TBCD: variants seen among roughly 807,000 people sequenced by gnomAD.
TBCD encodes the protein tubulin folding cofactor D.
TBCD carries 105 observed loss-of-function variants against 169.3 expected under a neutral mutation model. The observed-to-expected ratio is 0.62, with a 90% CI of 0.53 to 0.73. The LOEUF (loss-of-function observed/expected upper bound fraction) is 0.73. TBCD is among the 30% of genes least tolerant of loss of function. The pLI, the probability that TBCD is intolerant of heterozygous loss-of-function variation, is 0.00. For synonymous variants in TBCD, 700 were observed against 643.9 expected (o/e 1.09, Z -1.32); for missense variants, 1,444 against 1,600.1 (o/e 0.90, Z 1.66).
chr17:82,784,830 C>T (rs1433954161), intron 7 of TBCD, among the ~76,000 whole-genome samples: 3 of 152,186 alleles, frequency 2.0e-5, no homozygotes, highest in Admixed American at 6.5e-5. Context: ...GAGCCTTACC[C>T]GGCTGGTGGC....
At chr17:82,933,993 C>T (rs2062422482) in intron 34 of TBCD, among the ~76,000 whole-genome samples, 1 of 152,228 alleles carries the variant, frequency 6.6e-6, no homozygotes, top group Non-Finnish European at 1.5e-5. Flanking sequence ...GGTCTCTGCT[C>T]CCTGGCGCTT....
intron 14 of TBCD, among the ~76,000 whole-genome samples, chr17:82,873,361 G>A (rs2057745375): frequency 6.6e-6 from 1 of 152,314 alleles, no homozygotes; most frequent in Non-Finnish European, 1.5e-5. Context: ...CACTCACCTG[G>A]GAGGGTGTCT....
intron 13 of TBCD, among the ~76,000 whole-genome samples, chr17:82,863,538 C>T (rs1441020526): frequency 1.3e-5 from 2 of 152,162 alleles, no homozygotes; most frequent in Non-Finnish European, 2.9e-5. Flanking sequence ...CTACTGTGTG[C>T]GGGTAGGGTG....
intron 7 of TBCD, 56 bp downstream of exon 7, chr17:82,781,777 G>A (rs1268262452): frequency 1.9e-6 from 3 of 1,592,868 alleles, no homozygotes; most frequent in East Asian, 4.5e-5. Context: ...CCTTACATGG[G>A]GACCACGGAA....
At position 82,903,358 on chromosome 17, in the gene TBCD, A is replaced by G. The variant is rs752859636; in HGVS notation, c.1731-47A>G. The G allele has an allele frequency of 1.3e-6, 2 of 1,515,628 alleles. No homozygotes were observed. The highest frequency in any genetic ancestry group is 2.4e-5 in the East Asian group (1 of 41,954). 93.9% of individuals were successfully genotyped at this position (1,515,628 alleles called of 1,614,324 possible). A position where few individuals can be genotyped will look rare whatever the true frequency, so the allele number is the denominator to read the frequency against. The stretch of plus-strand genomic sequence containing the variant: ...TTCTTTTTATGAATTGAATAAAGCT[A>G]GAATCATAAAATGAAGGCACTTACG... On this transcript the variant is annotated intron_variant, in intron 18 of 38. Transcript: ENST00000355528. This position sits in a 1 kb window ranked among gnomAD's most constrained non-coding sequence, Gnocchi z 4.8.
intron 17 of TBCD, among the ~76,000 whole-genome samples, chr17:82,896,497 G>T (rs2059494936): frequency 7.9e-6 from 1 of 126,126 alleles, no homozygotes; most frequent in African/African-American, 3.2e-5. Flanking sequence ...ACAGAGCCTT[G>T]CTCTGTCACC....
intron 2 of TBCD, among the ~76,000 whole-genome samples, chr17:82,756,705 C>T (rs192480146): frequency 6.6e-6 from 1 of 152,152 alleles, no homozygotes; most frequent in Non-Finnish European, 1.5e-5. Flanking sequence ...GTCTTGATCT[C>T]CTGACCTCGT....
At position 82,889,549 on chromosome 17, in the gene TBCD, CT is replaced by C. The variant is rs1192977536; in HGVS notation, c.1534-115del. 6 of 1,234,940 alleles carry C rather than the reference CT, an allele frequency of 4.9e-6. No individual in the cohort carries two copies. In the East Asian group the frequency reaches 1.5e-4, roughly 30 times the overall value. The allele number at this position is 1,234,940 out of a possible 1,614,324, so 76.5% of individuals were successfully genotyped here. On this transcript the variant is annotated intron_variant, in intron 15 of 38. Transcript: ENST00000355528. This position sits in a 1 kb window ranked among gnomAD's most constrained non-coding sequence, Gnocchi z 5.3. ...GGCTCTGTTCAGCCAACAATGAGGG[CT>C]TTTATTTAAAAAATAAAGCCGTGGG...
chr17:82,880,620 C>A lies in TBCD; in HGVS notation c.1476-3525C>A, dbSNP rs943470592. On this transcript the variant is annotated intron_variant, in intron 14 of 38. Transcript: ENST00000355528. The surrounding 1 kb of genome is among the most constrained non-coding windows in gnomAD (Gnocchi z 5.0). ...GGAGGAGGCATCCAGGCCCTCAGGG[C>A]AGGTAGCGGGTGGGCCTCCGTGGTG... is the stretch of plus-strand genomic sequence containing the variant. Among the ~76,000 whole-genome samples the A allele has an allele frequency of 1.3e-5, 2 of 152,200 alleles. No homozygotes were observed. The highest frequency in any genetic ancestry group is 2.9e-5 in the Non-Finnish European group (2 of 68,024).
chr17:82,863,835 G>A (rs938714797), intron 13 of TBCD, among the ~76,000 whole-genome samples: 2 of 152,236 alleles, frequency 1.3e-5, no homozygotes, highest in African/African-American at 4.8e-5. Flanking sequence ...AGAGGTGGGT[G>A]ATGGGGGCAG....
chr17:82,839,722 G>A (rs1051561889), intron 13 of TBCD, among the ~76,000 whole-genome samples: 1 of 152,224 alleles, frequency 6.6e-6, no homozygotes, highest in Non-Finnish European at 1.5e-5. Flanking sequence ...CATGTTCTTA[G>A]AATAAAGTGT....
chr17:82,938,276 T>TC (rs988631692), intron 36 of TBCD, 140 bp downstream of exon 36: 3 of 953,774 alleles, frequency 3.1e-6, no homozygotes, highest in Non-Finnish European at 4.8e-6. Context: ...TGACGACGCG[T>TC]CACAGGCACG....
rs752121657 is a variant in TBCD at position 82,814,891 on chromosome 17, G to C, written c.1275G>C (p.Glu425Asp). Residue 425 changes from glutamate (E) to aspartate (D), a missense_variant, in exon 13 of 39, where the codon GAG becomes GAC. Glu to Asp is a conservative substitution (Grantham distance 45). Transcript: ENST00000355528. Reference sequence around the variant, plus strand: ...ATGGGGGATGTCTGGCGCTGGCAGAGCTGGGCAGGAGAGGCCTGTTGCTGC... The same window carrying C: ...ATGGGGGATGTCTGGCGCTGGCAGACCTGGGCAGGAGAGGCCTGTTGCTGC... ...AWHGGCLALA[E>D]LGRRGLLLPS... is the part of the protein sequence containing the mutation. 1.9e-6 allele frequency: 3 copies of C among 1,613,398 alleles called. No individual in the cohort carries two copies. Among genetic ancestry groups the C allele is most frequent in the Non-Finnish European group, 1.7e-6 (2 of 1,179,642 alleles).
chr17:82,808,647 G>A (rs1435890228), intron 11 of TBCD, among the ~76,000 whole-genome samples: 2 of 141,042 alleles, frequency 1.4e-5, no homozygotes, highest in Non-Finnish European at 1.5e-5. Flanking sequence ...CTGCTGTGGA[G>A]GGGACAAGGC....
rs189074102 is a variant in TBCD at position 82,889,589 on chromosome 17, G to A, written c.1534-79G>A. On this transcript the variant is annotated intron_variant, in intron 15 of 38. Transcript: ENST00000355528. The surrounding 1 kb of genome is among the most constrained non-coding windows in gnomAD (Gnocchi z 5.3). ...TAAAGCCGTGGGTCATTCACGTTGTGCTGTTTGTTCTGAACTTGCCTCTGG... is the reference window on the plus strand; with the variant it reads ...TAAAGCCGTGGGTCATTCACGTTGTACTGTTTGTTCTGAACTTGCCTCTGG... The A allele has an allele frequency of 8.3e-6, 13 of 1,560,556 alleles. No homozygotes were observed. The East Asian group carries it at 9.0e-5, about 11-fold the overall frequency.
chr17:82,779,730 A>G (rs2048823628), intron 6 of TBCD, among the ~76,000 whole-genome samples: 2 of 151,660 alleles, frequency 1.3e-5, no homozygotes, highest in Non-Finnish European at 2.9e-5. Flanking sequence ...AAGGGCCGGG[A>G]AGGTGGGATG....
At position 82,831,960 on chromosome 17, in the gene TBCD, G is replaced by A. The variant is rs35867846; in HGVS notation, c.1318+17026G>A. ...CTGGCCCCTTGAGTCTGTGCTCGCC[G>A]ACTGGAACAAATGCAGAAGGCCGAG... On this transcript the variant is annotated intron_variant, in intron 13 of 38. Coordinates refer to ENST00000355528, the MANE Select transcript of TBCD (RefSeq NM_005993.5). This position sits in a 1 kb window ranked among gnomAD's most constrained non-coding sequence, Gnocchi z 4.6. 1.5e-3 allele frequency: 2,402 copies of A among 1,613,860 alleles called. 35 individuals carry two copies. In the African/African-American group the frequency reaches 0.022, roughly 15 times the overall value.
At chr17:82,934,958 G>A (rs1175956314) in intron 34 of TBCD, among the ~76,000 whole-genome samples, 3 of 152,160 alleles carry the variant, frequency 2.0e-5, no homozygotes, top group Admixed American at 1.3e-4. Context: ...AACATTAGCC[G>A]GGTGTGGTGG....
rs145370898 is a variant in TBCD at position 82,835,417 on chromosome 17, ATTTC to A, written c.1318+20499_1318+20502del. 0.11 allele frequency among the ~76,000 whole-genome samples: 16,376 copies of A among 151,716 alleles called. 1,166 individuals carry two copies. Among genetic ancestry groups the A allele is most frequent in the South Asian group, 0.29 (1,402 of 4,768 alleles). The stretch of plus-strand genomic sequence containing the variant: ...CTGGTTTCTCTACTGATTTATTCAT[ATTTC>A]TTTCTTTCTTTCTTTTTTGAGACGG... On this transcript the variant is annotated intron_variant, in intron 13 of 38. Transcript: ENST00000355528. This position sits in a 1 kb window ranked among gnomAD's most constrained non-coding sequence, Gnocchi z 4.5.
Sources: allele counts gnomAD v4.1 joint callset (sites outside exome capture counted in the v4.1 genomes callset), GRCh38; gene constraint gnomAD v4.1.1; non-coding constraint Gnocchi (gnomAD v3.1); transcripts MANE v1.5; gene names NCBI Gene and HGNC (gene_info 2026-07-23, HGNC 2026-07-21).